Variants in PUDP observed in about 807,000 individuals in gnomAD.
PUDP encodes pseudouridine 5'-phosphatase, also known as pseudouridine-5'-phosphatase.
In PUDP, 8 loss-of-function variants were observed where a neutral mutation model predicts 9.4. The ratio of observed to expected loss-of-function variants is 0.85; its 90% CI spans 0.50 to 1.53. The LOEUF (loss-of-function observed/expected upper bound fraction) is 1.53, where lower values mean the gene tolerates loss of function less well. Ranked by LOEUF, PUDP falls within the 40% of genes most tolerant of loss-of-function variation. PUDP has a pLI of 0.00. For missense variants in PUDP, 188 were observed against 189.7 expected (o/e 0.99, Z 0.05); for synonymous variants, 99 against 80.7 (o/e 1.23, Z -1.22).
intron 3 of PUDP, among the ~76,000 whole-genome samples, chrX:6,843,464 G>A (rs146092325): frequency 0.016 from 1,821 of 111,708 alleles, 31 homozygotes; most frequent in African/African-American, 0.057. Flanking sequence ...AAGAAAGGGA[G>A]TATTGTGAAT....
In PUDP at chrX:6,801,978, C is replaced by T. The variant is rs752455573; in HGVS notation, c.*248-95512G>A. ...TGAAGGCAACACTGAGTGTTACCAA[C>T]GCAGTATTTTTTTTCCCTTTTCCTG... On this transcript the variant is annotated intron_variant and NMD_transcript_variant, in intron 3 of 3. Coordinates refer to the PUDP transcript ENST00000655425. Among the ~76,000 whole-genome samples the T allele has an allele frequency of 1.4e-3, 155 of 111,735 alleles. 1 individual carries two copies. Among genetic ancestry groups the T allele is most frequent in the Middle Eastern group, 4.7e-3 (1 of 215 alleles).
chrX:6,785,607 A>T (rs1602618358), intron 3 of PUDP, among the ~76,000 whole-genome samples: 1 of 104,473 alleles, frequency 9.6e-6, no homozygotes, highest in Admixed American at 1.0e-4. Flanking sequence ...TTACTATAAG[A>T]AAAAAAAAAA....
chrX:6,850,690 C>A (rs1422304144), intron 3 of PUDP, among the ~76,000 whole-genome samples: 1 of 112,219 alleles, frequency 8.9e-6, no homozygotes, highest in East Asian at 2.8e-4. Context: ...TCATAATCCC[C>A]GAAGGAGTGA....
intron 3 of PUDP, among the ~76,000 whole-genome samples, chrX:6,753,618 C>T (rs1037608994): frequency 8.9e-6 from 1 of 112,029 alleles, no homozygotes; most frequent in Non-Finnish European, 1.9e-5. Flanking sequence ...CTTTTCACTG[C>T]ATCCACGCCA....
chrX:6,863,454 G>A (rs1331604404), intron 3 of PUDP, among the ~76,000 whole-genome samples: 1 of 112,263 alleles, frequency 8.9e-6, no homozygotes, highest in Admixed American at 9.4e-5. Flanking sequence ...TTCAAAGATG[G>A]AAGAGGCAGG....
chrX:6,904,296 C>T (rs1927736573), intron 3 of PUDP, among the ~76,000 whole-genome samples: 1 of 110,445 alleles, frequency 9.1e-6, no homozygotes, highest in Non-Finnish European at 1.9e-5. Flanking sequence ...CTGTTCTCAA[C>T]AGGAAGCGAG....
chrX:6,780,113 T>TTTGTGTATATATGTATATATACATA (rs1163987603), intron 3 of PUDP, among the ~76,000 whole-genome samples: 3 of 38,063 alleles, frequency 7.9e-5, no homozygotes, highest in African/African-American at 1.8e-4. Flanking sequence ...AAATCCTTTG[T>TTTGTGTATATATGTATATATACATA]TTGTGTATAT....
At chrX:7,057,734 TTGATTACACAGAAGGAGGAGCGC>T in intron 3 of PUDP, 1 of 1,153,653 alleles carries the variant, frequency 8.7e-7, no homozygotes, top group South Asian at 1.9e-5. Context: ...AGAGAAGCAG[TTGATTACACAGAAGGAGGAGCGC>T]TGAGAAGGGA....
chrX:6,796,202 C>A (rs1227544793), intron 3 of PUDP, among the ~76,000 whole-genome samples: 1 of 112,013 alleles, frequency 8.9e-6, no homozygotes, highest in Admixed American at 9.5e-5. Flanking sequence ...TAAGAAGGCC[C>A]CAAGTGGACA....
intron 2 of PUDP, among the ~76,000 whole-genome samples, chrX:7,083,132 T>C (rs1360783634): frequency 8.9e-6 from 1 of 112,094 alleles, no homozygotes; most frequent in African/African-American, 3.2e-5. Context: ...GATTTCAGAC[T>C]TCCAGTCTCC....
At chrX:6,781,503 G>A (rs1327719180) in intron 3 of PUDP, among the ~76,000 whole-genome samples, 1 of 111,832 alleles carries the variant, frequency 8.9e-6, no homozygotes, top group Non-Finnish European at 1.9e-5. Flanking sequence ...ACAAGGAACA[G>A]GTAGGTTCCT....
At chrX:6,770,293 A>G (rs1361060007) in intron 3 of PUDP, among the ~76,000 whole-genome samples, 1 of 112,302 alleles carries the variant, frequency 8.9e-6, no homozygotes, top group African/African-American at 3.2e-5. Flanking sequence ...CTACAATGGC[A>G]GAGTTGAGTA....
intron 1 of PUDP, among the ~76,000 whole-genome samples, chrX:7,127,795 A>G (rs1245629806): frequency 1.8e-5 from 2 of 112,837 alleles, no homozygotes; most frequent in Non-Finnish European, 3.7e-5. Context: ...AGGCATGATC[A>G]GAATGATGTT....
chrX:6,953,884 C>A (rs978639657), intron 3 of PUDP, among the ~76,000 whole-genome samples: 1 of 111,399 alleles, frequency 9.0e-6, no homozygotes, highest in African/African-American at 3.3e-5. Context: ...ATAATCCCCA[C>A]TTGTCATGGG....
At chrX:6,877,951 T>C (rs1412304668) in intron 3 of PUDP, among the ~76,000 whole-genome samples, 2 of 111,884 alleles carry the variant, frequency 1.8e-5, no homozygotes, top group East Asian at 2.8e-4. Context: ...GCAAACCTCA[T>C]GCAAAGCAAA....
At chrX:7,090,406 A>G (rs1434920056) in intron 2 of PUDP, among the ~76,000 whole-genome samples, 1 of 111,420 alleles carries the variant, frequency 9.0e-6, no homozygotes, top group African/African-American at 3.3e-5. Context: ...AGGAGCAGAA[A>G]TTTTTAAATT....
At chrX:6,865,184 G>C (rs1461769324) in intron 3 of PUDP, among the ~76,000 whole-genome samples, 1 of 111,690 alleles carries the variant, frequency 9.0e-6, no homozygotes. Context: ...TTAGGGGTTA[G>C]GATCAGGGTT....
chrX:7,053,577 A>T (rs1406944344), intron 3 of PUDP, among the ~76,000 whole-genome samples: 1 of 112,017 alleles, frequency 8.9e-6, no homozygotes, highest in African/African-American at 3.2e-5. Context: ...GCCTGCTGCC[A>T]TGCAAGACAT....
chrX:6,768,526 C>A (rs745646709), intron 3 of PUDP, among the ~76,000 whole-genome samples: 1 of 111,576 alleles, frequency 9.0e-6, no homozygotes, highest in African/African-American at 3.3e-5. Flanking sequence ...ACATATCATG[C>A]CCTTTGAATA....
Sources: gnomAD v4.1 joint callset for allele counts (sites outside exome capture counted in the v4.1 genomes callset) on GRCh38, gnomAD v4.1.1 for gene constraint, MANE v1.5 for transcripts, NCBI Gene and HGNC (gene_info 2026-07-23, HGNC 2026-07-21) for gene names.